Variants in LAMA2 observed in about 807,000 individuals in gnomAD.
LAMA2 encodes laminin subunit alpha 2, also known as laminin subunit alpha-2.
A neutral mutation model predicts 364.8 loss-of-function variants in LAMA2; 269 were observed. The observed-to-expected ratio is 0.74, with a 90% CI of 0.67 to 0.82. The LOEUF (loss-of-function observed/expected upper bound fraction) is 0.82, where lower values mean the gene tolerates loss of function less well. Among genes scored for constraint, LAMA2 ranks in the 40% least tolerant of loss-of-function variants. The pLI is 0.00. For synonymous variants in LAMA2, 1,379 were observed against 1,370.6 expected, an observed-to-expected ratio of 1.01 and a Z score of -0.14; for missense variants, 3,807 against 3,873.2, an observed-to-expected ratio of 0.98 and a Z score of 0.45.
intron 12 of LAMA2, among the ~76,000 whole-genome samples, chr6:129,218,780 T>A (rs1783592493): frequency 1.3e-5 from 2 of 152,152 alleles, no homozygotes; most frequent in South Asian, 4.1e-4. Context: ...ATATGTTATA[T>A]TGAAAAAAGT....
intron 37 of LAMA2, among the ~76,000 whole-genome samples, chr6:129,395,537 G>A (rs556933087): frequency 2.2e-4 from 33 of 152,246 alleles, no homozygotes; most frequent in African/African-American, 6.5e-4. Context: ...CCAGAAATCC[G>A]TGTTTTAAAA....
At chr6:129,276,166 C>G (rs1381607395) in intron 17 of LAMA2, among the ~76,000 whole-genome samples, 1 of 152,092 alleles carries the variant, frequency 6.6e-6, no homozygotes. Flanking sequence ...TGAATATTCT[C>G]ATTACCCTCA....
At chr6:129,218,500 G>A (rs944058758) in intron 12 of LAMA2, among the ~76,000 whole-genome samples, 1 of 152,120 alleles carries the variant, frequency 6.6e-6, no homozygotes, top group African/African-American at 2.4e-5. Context: ...TAAATTAGAT[G>A]TGAACTACCT....
chr6:129,272,255 T>A (rs537166989), intron 17 of LAMA2, among the ~76,000 whole-genome samples: 1 of 152,284 alleles, frequency 6.6e-6, no homozygotes, highest in South Asian at 2.1e-4. Flanking sequence ...GGAGCCAGAC[T>A]CTTTGGTTTA....
chr6:129,391,819 T>TATCTATC (rs1244625100), intron 36 of LAMA2, among the ~76,000 whole-genome samples, 166 bp downstream of exon 36: 14 of 148,262 alleles, frequency 9.4e-5, no homozygotes, highest in African/African-American at 3.6e-4. Context: ...ATCTATCTAT[T>TATCTATC]TATCTATCTA....
intron 12 of LAMA2, among the ~76,000 whole-genome samples, chr6:129,208,885 A>G (rs906351852): frequency 2.0e-5 from 3 of 152,346 alleles, no homozygotes; most frequent in African/African-American, 7.2e-5. Context: ...TGATATACAA[A>G]GTAACTGACT....
At chr6:129,036,381 A>G (rs141190920) in intron 1 of LAMA2, among the ~76,000 whole-genome samples, 3 of 152,308 alleles carry the variant, frequency 2.0e-5, no homozygotes, top group African/African-American at 7.2e-5. Context: ...GACCAAGTGG[A>G]TAAGATGACA....
chr6:129,507,674 A>G lies in LAMA2; in HGVS notation c.8857+32A>G, dbSNP rs780671513. The G allele has an allele frequency of 8.7e-6, 14 of 1,605,382 alleles. No individual in the cohort carries two copies. The African/African-American group carries it at 1.7e-4, about 20-fold the overall frequency. ...CTCTTTCATTTCCTTCCTGTTGATT[A>G]TTAACTAGATACAAATACTAACTTC... On this transcript the variant is annotated intron_variant, in intron 62 of 64. Coordinates refer to ENST00000421865, the MANE Select transcript of LAMA2 (RefSeq NM_000426.4).
chr6:129,204,514 C>T (rs1283674404), intron 12 of LAMA2, among the ~76,000 whole-genome samples: 1 of 151,266 alleles, frequency 6.6e-6, no homozygotes, highest in Non-Finnish European at 1.5e-5. Context: ...GATAAACACA[C>T]CGACAGGGTA....
chr6:129,253,609 G>A (rs1206381151), intron 14 of LAMA2, among the ~76,000 whole-genome samples: 2 of 152,240 alleles, frequency 1.3e-5, no homozygotes, highest in Non-Finnish European at 2.9e-5. Context: ...GCAAATAGAG[G>A]TTGTCATGAT....
chr6:128,909,887 C>T (rs1390829046), intron 1 of LAMA2, among the ~76,000 whole-genome samples: 20 of 151,530 alleles, frequency 1.3e-4, no homozygotes, highest in East Asian at 3.9e-4. Context: ...ATTTCTCCTT[C>T]GCTTATGAAG....
intron 1 of LAMA2, among the ~76,000 whole-genome samples, chr6:128,944,637 A>AG (rs1172604209): frequency 2.0e-5 from 3 of 150,404 alleles, no homozygotes; most frequent in Non-Finnish European, 4.4e-5. Context: ...TGCTAAAAGT[A>AG]GAAAAAAAAA....
intron 1 of LAMA2, among the ~76,000 whole-genome samples, chr6:129,026,896 G>T (rs1785866320): frequency 6.6e-6 from 1 of 152,056 alleles, no homozygotes; most frequent in Non-Finnish European, 1.5e-5. Flanking sequence ...ATGGTATGTA[G>T]TCATTGGTGT....
chr6:129,385,146 G>GAAAAAGGAAGGAA (rs369644046), intron 35 of LAMA2, among the ~76,000 whole-genome samples: 1 of 36,964 alleles, frequency 2.7e-5, no homozygotes. Context: ...GGGGAGGGAG[G>GAAAAAGGAAGGAA]GGAGGGAGGG....
At chr6:129,423,304 G>A (rs932416116) in intron 40 of LAMA2, among the ~76,000 whole-genome samples, 1 of 151,980 alleles carries the variant, frequency 6.6e-6, no homozygotes, top group African/African-American at 2.4e-5. Context: ...CATTGTACTA[G>A]AGAGACTAAC....
At chr6:129,254,129 G>C (rs995038277) in intron 14 of LAMA2, among the ~76,000 whole-genome samples, 8 of 152,140 alleles carry the variant, frequency 5.3e-5, no homozygotes, top group African/African-American at 1.9e-4. Context: ...TTTCGACTTG[G>C]TATACTGTTT....
chr6:129,414,099 G>A (rs890485534), intron 40 of LAMA2, among the ~76,000 whole-genome samples: 7 of 151,988 alleles, frequency 4.6e-5, no homozygotes, highest in Admixed American at 2.6e-4. Flanking sequence ...GAGGATATGC[G>A]CAATTTTATT....
At chr6:129,275,988 T>C (rs2114376756) in intron 17 of LAMA2, among the ~76,000 whole-genome samples, 1 of 152,250 alleles carries the variant, frequency 6.6e-6, no homozygotes, top group South Asian at 2.1e-4. Flanking sequence ...AAGAAATAAG[T>C]GTTTGCTTAA....
intron 28 of LAMA2, among the ~76,000 whole-genome samples, chr6:129,324,228 T>G (rs1775137532): frequency 6.6e-6 from 1 of 152,228 alleles, no homozygotes; most frequent in Admixed American, 6.5e-5. Flanking sequence ...AAAAACTATT[T>G]GAGATAGAGA....
Sources: gnomAD v4.1 joint callset for allele counts (sites outside exome capture counted in the v4.1 genomes callset) on GRCh38, gnomAD v4.1.1 for gene constraint, MANE v1.5 for transcripts, NCBI Gene and HGNC (gene_info 2026-07-23, HGNC 2026-07-21) for gene names.